Variants in COMMD6 observed in about 807,000 individuals in gnomAD.
The protein encoded by COMMD6 is COMM domain-containing protein 6.
COMMD6 carries 11 observed loss-of-function variants against 13.4 expected under a neutral mutation model. The ratio of observed to expected loss-of-function variants is 0.82; its 90% confidence interval spans 0.52 to 1.36. The LOEUF (loss-of-function observed/expected upper bound fraction) is 1.36, where lower values mean the gene tolerates loss of function less well. COMMD6 is among the 40% of genes most tolerant of loss of function. The pLI is 0.00. For synonymous variants in COMMD6, 43 were observed against 36.5 expected, an observed-to-expected ratio of 1.18 and a Z score of -0.64; for missense variants, 124 against 102.4, an observed-to-expected ratio of 1.21 and a Z score of -0.91.
upstream of COMMD6, among the ~76,000 whole-genome samples, chr13:75,541,438 T>C (rs534656116): frequency 3.9e-5 from 6 of 152,058 alleles, no homozygotes; most frequent in South Asian, 8.3e-4. Flanking sequence ...TGTGTATATA[T>C]AGACATATGA....
At chr13:75,526,746 C>T in intron 3 of COMMD6, 107 bp from the exon 4 acceptor site, 1 of 665,882 alleles carries the variant, frequency 1.5e-6, no homozygotes, top group Non-Finnish European at 2.4e-6. Context: ...ATTAAGTTTG[C>T]ATTTTAGTGT....
chr13:75,542,784 C>A (rs181120357), upstream of COMMD6, among the ~76,000 whole-genome samples: 9 of 152,264 alleles, frequency 5.9e-5, no homozygotes, highest in South Asian at 2.1e-4. Flanking sequence ...GAGTCAGAGA[C>A]AGAGAGGGAG....
chr13:75,527,169 G>A (rs948453195), intron 3 of COMMD6, among the ~76,000 whole-genome samples: 30 of 152,120 alleles, frequency 2.0e-4, no homozygotes, highest in African/African-American at 7.2e-4. Context: ...TAAATCTCAG[G>A]TAAGAAAGGA....
At chr13:75,540,632 A>G (rs774247202), upstream of COMMD6, among the ~76,000 whole-genome samples, 1 of 152,246 alleles carries the variant, frequency 6.6e-6, no homozygotes, top group African/African-American at 2.4e-5. Context: ...TCAGACCTCC[A>G]TCTTACAAGA....
intron 3 of COMMD6, among the ~76,000 whole-genome samples, chr13:75,529,068 A>C (rs1183890349): frequency 6.6e-6 from 1 of 152,192 alleles, no homozygotes; most frequent in Non-Finnish European, 1.5e-5. Flanking sequence ...TTAGAGTACT[A>C]ACTGCTGTTT....
upstream of COMMD6, among the ~76,000 whole-genome samples, chr13:75,543,223 G>C (rs949051348): frequency 1.3e-5 from 2 of 152,150 alleles, no homozygotes; most frequent in Non-Finnish European, 2.9e-5. Context: ...GACCTATCTG[G>C]TACTATGCTC....
chr13:75,541,929 G>A (rs534276709), upstream of COMMD6, among the ~76,000 whole-genome samples: 1 of 152,222 alleles, frequency 6.6e-6, no homozygotes, highest in African/African-American at 2.4e-5. Context: ...ATTTATTTGC[G>A]CATAGGGCAT....
At chr13:75,543,094 T>C (rs9593092), upstream of COMMD6, among the ~76,000 whole-genome samples, 24 of 152,094 alleles carry the variant, frequency 1.6e-4, no homozygotes, top group Admixed American at 1.6e-3. Context: ...GAAAAACAAA[T>C]ACATGTTCTC....
rs2030271267 is a variant in COMMD6 at position 75,526,617 on chromosome 13, T to C, written c.230A>G (p.Glu77Gly). Reference protein sequence around the residue: ...QFQNFYRQFKEIAAVIETV With the variant: ...QFQNFYRQFKGIAAVIETV ...CACCGTTTCAATAACTGCAGCAATT[T>C]CCTTGAACTGTCTGTAGAAATTCTG... Residue 77 changes from glutamate to glycine, a missense_variant, in exon 4 of 4, where the codon GAA becomes GGA. Physicochemically the swap from Glu to Gly is moderately conservative, Grantham distance 98. Transcript: ENST00000682242. 1.9e-6 allele frequency: 3 copies of C among 1,606,626 alleles called. No individual in the cohort carries two copies. The South Asian group carries it at 3.3e-5, about 18-fold the overall frequency.
At chr13:75,532,370 A>G (rs1445106192) in intron 2 of COMMD6, among the ~76,000 whole-genome samples, 1 of 152,222 alleles carries the variant, frequency 6.6e-6, no homozygotes, top group African/African-American at 2.4e-5. Context: ...AGCTTTACAG[A>G]AGGCTTTAAG....
chr13:75,549,117 G>C (rs1472894372), intron 1 of COMMD6, among the ~76,000 whole-genome samples: 1 of 152,114 alleles, frequency 6.6e-6, no homozygotes, highest in African/African-American at 2.4e-5. Context: ...TAGGTACCAC[G>C]CTTTTTATCC....
intron 2 of COMMD6, chr13:75,537,397 G>C (rs557520445): frequency 2.6e-6 from 4 of 1,551,094 alleles, no homozygotes; most frequent in Admixed American, 2.0e-5. Context: ...TCCTGGCTTC[G>C]AATAACTGTC....
At chr13:75,526,666 T>C (rs1466573687) in intron 3 of COMMD6, 27 bp from the exon 4 acceptor site, 2 of 1,531,526 alleles carry the variant, frequency 1.3e-6, no homozygotes, top group Non-Finnish European at 1.8e-6. Flanking sequence ...AAAATAATAT[T>C]AATTTTGCTT....
chr13:75,537,563 C>G (rs2030716992), intron 2 of COMMD6, 101 bp downstream of exon 2: 1 of 1,567,254 alleles, frequency 6.4e-7, no homozygotes, highest in Non-Finnish European at 8.6e-7. Context: ...GGCTCGCGGA[C>G]ACAGGACTAG....
exon 1 of COMMD6, chr13:75,549,394 A>G (rs116535756): frequency 0.011 from 2,058 of 187,350 alleles, 59 homozygotes; most frequent in African/African-American, 0.045. Flanking sequence ...TCAGAATAGG[A>G]CTCCGCGGCA....
chr13:75,542,130 T>C (rs1047672337), upstream of COMMD6, among the ~76,000 whole-genome samples: 2 of 152,184 alleles, frequency 1.3e-5, no homozygotes, highest in African/African-American at 4.8e-5. Context: ...CAGATGACCT[T>C]GCAAAAGTAT....
chr13:75,540,678 G>T (rs1020177592), upstream of COMMD6, among the ~76,000 whole-genome samples: 1 of 152,134 alleles, frequency 6.6e-6, no homozygotes, highest in Middle Eastern at 3.2e-3. Context: ...GGAAAATACA[G>T]ATGTTATCAA....
upstream of COMMD6, among the ~76,000 whole-genome samples, chr13:75,540,344 C>CCACACACACACA (rs59520333): frequency 8.8e-5 from 13 of 147,276 alleles, no homozygotes; most frequent in East Asian, 4.0e-4. Flanking sequence ...ACACACACAC[C>CCACACACACACA]CACACACACA....
At chr13:75,530,951 C>A (rs894366796) in intron 2 of COMMD6, among the ~76,000 whole-genome samples, 1 of 152,170 alleles carries the variant, frequency 6.6e-6, no homozygotes, top group Non-Finnish European at 1.5e-5. Context: ...GATGCCATGG[C>A]ATAAAACATG....
Sources: allele counts gnomAD v4.1 joint callset (sites outside exome capture counted in the v4.1 genomes callset), GRCh38; gene constraint gnomAD v4.1.1; transcripts MANE v1.5; gene names NCBI Gene and HGNC (gene_info 2026-07-23, HGNC 2026-07-21).